TOM1L2: variants seen among roughly 807,000 people sequenced by gnomAD.
TOM1L2 encodes the protein TOM1-like protein 2.
TOM1L2 carries 31 observed loss-of-function variants against 67.9 expected under a neutral mutation model. The ratio of observed to expected loss-of-function variants is 0.46; its 90% confidence interval spans 0.34 to 0.62. The LOEUF is 0.62. Ranked by LOEUF, TOM1L2 falls within the 20% of genes least tolerant of loss-of-function variation. The probability of loss-of-function intolerance (pLI) is 0.01; values close to 1 mark genes in which losing one functional copy is unlikely to be tolerated. For synonymous variants in TOM1L2, 256 were observed against 254.0 expected (o/e 1.01, Z -0.07); for missense variants, 606 against 663.5 (o/e 0.91, Z 0.95).
intron 7 of TOM1L2, among the ~76,000 whole-genome samples, chr17:17,870,792 G>T (rs991276547): frequency 1.3e-5 from 2 of 152,176 alleles, no homozygotes; most frequent in African/African-American, 4.8e-5. Flanking sequence ...ACTCAAGGAT[G>T]CCCTCAAGCC....
At chr17:17,878,941 G>A (rs1409374834) in intron 7 of TOM1L2, among the ~76,000 whole-genome samples, 1 of 152,212 alleles carries the variant, frequency 6.6e-6, no homozygotes, top group Non-Finnish European at 1.5e-5. Context: ...GCCTGAGGTG[G>A]GGGCCTTGAC....
chr17:17,909,958 G>A (rs1428648152), intron 1 of TOM1L2, among the ~76,000 whole-genome samples: 1 of 152,190 alleles, frequency 6.6e-6, no homozygotes, highest in African/African-American at 2.4e-5. Flanking sequence ...AAGTCCAGGA[G>A]TTTGAGGCTG....
At chr17:17,908,819 A>G (rs1176807243) in intron 1 of TOM1L2, among the ~76,000 whole-genome samples, 1 of 152,240 alleles carries the variant, frequency 6.6e-6, no homozygotes, top group Non-Finnish European at 1.5e-5. Context: ...ACAAATTGGA[A>G]CCCCTTTACA....
At position 17,882,810 on chromosome 17, in the gene TOM1L2, C is replaced by T. The variant is rs779157435; in HGVS notation, c.555G>A (p.Gln185=). ...AATMPRSQSQ[Q]RTSAGSYSSP... ...AGGAATAGGAACCAGCACTTGTCCT[C>T]TGCTGTGATTGGGACCTGGGCATGG... Residue 185 remains glutamine (Q), a synonymous_variant, in exon 6 of 15, where the codon CAG becomes CAA. Transcript: ENST00000379504. The T allele has an allele frequency of 6.2e-7, 1 of 1,614,228 alleles. No homozygotes were observed. Among genetic ancestry groups the T allele is most frequent in the South Asian group, 1.1e-5 (1 of 91,090 alleles).
At chr17:17,909,596 G>A (rs1385041347) in intron 1 of TOM1L2, among the ~76,000 whole-genome samples, 5 of 150,234 alleles carry the variant, frequency 3.3e-5, no homozygotes, top group East Asian at 2.0e-4. Context: ...GCTGGGGGGT[G>A]TGGGGGTGGG....
intron 3 of TOM1L2, among the ~76,000 whole-genome samples, chr17:17,896,311 G>A (rs2038569104): frequency 6.6e-6 from 1 of 152,128 alleles, no homozygotes; most frequent in Non-Finnish European, 1.5e-5. Context: ...AAGCAGGTGG[G>A]AAAGGTGAGG....
intron 1 of TOM1L2, among the ~76,000 whole-genome samples, chr17:17,960,976 T>C (rs1315829671): frequency 1.3e-5 from 2 of 152,136 alleles, no homozygotes; most frequent in Non-Finnish European, 1.5e-5. Flanking sequence ...AAGGACACTA[T>C]AAACAGAGTA....
At chr17:17,956,462 G>A (rs1598406703) in intron 1 of TOM1L2, among the ~76,000 whole-genome samples, 1 of 152,236 alleles carries the variant, frequency 6.6e-6, no homozygotes, top group Non-Finnish European at 1.5e-5. Context: ...TGGGTCACAG[G>A]TGGAGCTGCC....
intron 7 of TOM1L2, among the ~76,000 whole-genome samples, chr17:17,870,938 C>G (rs1047954449): frequency 2.6e-5 from 4 of 152,234 alleles, no homozygotes; most frequent in Admixed American, 1.3e-4. Flanking sequence ...AGCACTCACA[C>G]AGGGGCTGGG....
chr17:17,924,546 A>T (rs1458718284), intron 1 of TOM1L2, among the ~76,000 whole-genome samples: 1 of 152,094 alleles, frequency 6.6e-6, no homozygotes, highest in Non-Finnish European at 1.5e-5. Flanking sequence ...AAGCAGGAGG[A>T]TCACTTAAGC....
rs1328076265 is a variant in TOM1L2, at chr17:17,926,757, T to C, written c.53-19226A>G. Reference sequence around the variant, plus strand: ...CCTGTAATCCCAGCTACTTGAGAGGTTGAGGCACAAGAATCGCTTGAACCT... The same window carrying C: ...CCTGTAATCCCAGCTACTTGAGAGGCTGAGGCACAAGAATCGCTTGAACCT... On this transcript the variant is annotated intron_variant, in intron 1 of 14. Coordinates refer to ENST00000379504, the MANE Select transcript of TOM1L2 (RefSeq NM_001082968.2). Among the ~76,000 whole-genome samples, 6 of 151,932 alleles carry C rather than the reference T, an allele frequency of 3.9e-5. No individual in the cohort carries two copies. In the East Asian group the frequency reaches 5.8e-4, roughly 15 times the overall value.
At chr17:17,863,753 T>C (rs1232648947) in intron 10 of TOM1L2, among the ~76,000 whole-genome samples, 1 of 152,080 alleles carries the variant, frequency 6.6e-6, no homozygotes, top group Non-Finnish European at 1.5e-5. Context: ...CTCGTTATGT[T>C]GCCCAGGCTG....
chr17:17,914,882 A>C (rs963120967), intron 1 of TOM1L2, among the ~76,000 whole-genome samples: 2 of 152,196 alleles, frequency 1.3e-5, no homozygotes, highest in Non-Finnish European at 2.9e-5. Flanking sequence ...TTTTAGGTAA[A>C]AAAAAATTTA....
chr17:17,970,570 G>A (rs1181467948), intron 1 of TOM1L2, among the ~76,000 whole-genome samples: 1 of 152,130 alleles, frequency 6.6e-6, no homozygotes, highest in East Asian at 1.9e-4. Context: ...AAGGACATGG[G>A]GAAGAAGTAA....
chr17:17,910,213 G>C (rs114781342), intron 1 of TOM1L2, among the ~76,000 whole-genome samples: 1 of 152,112 alleles, frequency 6.6e-6, no homozygotes, highest in Admixed American at 6.5e-5. Flanking sequence ...CCCGGGGCCC[G>C]CAGAAGAAAA....
chr17:17,866,342 C>T lies in TOM1L2; in HGVS notation c.1038G>A (p.Gly346=). Reference sequence around the variant, plus strand: ...AGAGGGAAGATGGGGGCGCTGTGTTCCCCACCATTGGGCTCACCACGGCTG... The same window carrying T: ...AGAGGGAAGATGGGGGCGCTGTGTTTCCCACCATTGGGCTCACCACGGCTG... ...GSPAVVSPMV[G]NTAPPSSLSS... Residue 346 remains glycine, a synonymous_variant, in exon 10 of 15, where the codon GGG becomes GGA. Coordinates refer to ENST00000379504, the MANE Select transcript of TOM1L2 (RefSeq NM_001082968.2). 1 of 1,612,082 alleles carries T rather than the reference C, an allele frequency of 6.2e-7. No individual in the cohort carries two copies. Among genetic ancestry groups the T allele is most frequent in the South Asian group, 1.1e-5 (1 of 90,474 alleles).
chr17:17,848,778 C>G lies in TOM1L2; in HGVS notation c.1375+45G>C, dbSNP rs772956323. 81 of 1,609,994 alleles carry G rather than the reference C, an allele frequency of 5.0e-5. No individual in the cohort carries two copies. In the Middle Eastern group the frequency reaches 7.0e-4, roughly 14 times the overall value. On this transcript the variant is annotated intron_variant, in intron 14 of 14. Coordinates refer to ENST00000379504, the MANE Select transcript of TOM1L2 (RefSeq NM_001082968.2). ...GGGGCTGGCTCCTGTGCAGCCTGCA[C>G]AGAGGCAACAAAAGGGGGCTGTAAG...
At chr17:17,867,829 C>T (rs1260588586) in intron 8 of TOM1L2, among the ~76,000 whole-genome samples, 1 of 152,130 alleles carries the variant, frequency 6.6e-6, no homozygotes, top group Non-Finnish European at 1.5e-5. Context: ...GTTTTAAAAA[C>T]GACTTGTGTG....
rs1223882128 is a variant in TOM1L2 at position 17,845,973 on chromosome 17, AGAG to A, written c.*1659_*1661del. 2 of 152,354 alleles carry A rather than the reference AGAG, an allele frequency of 1.3e-5. No homozygotes were observed. The highest frequency in any genetic ancestry group is 2.4e-5 in the African/African-American group (1 of 41,462). The allele number at this position is 152,354 out of a possible 1,614,324, so 9.4% of individuals were successfully genotyped here. On this transcript the variant is annotated 3_prime_UTR_variant, in exon 15 of 15. Transcript: ENST00000379504. ...CAGCTAGTCCCACCCTCAGCCAGAC[AGAG>A]GTTTCCTCTCTGGAGGGAGCTGGAG...
Sources: allele counts gnomAD v4.1 joint callset (sites outside exome capture counted in the v4.1 genomes callset), GRCh38; gene constraint gnomAD v4.1.1; transcripts MANE v1.5; gene names NCBI Gene and HGNC (gene_info 2026-07-23, HGNC 2026-07-21).